The following KCNMA1 variants were observed in gnomAD, a reference collection of about 807,000 sequenced individuals.
KCNMA1 encodes potassium calcium-activated channel subfamily M alpha 1.
KCNMA1 carries 29 observed loss-of-function variants against 140.0 expected under a neutral mutation model. The ratio of observed to expected loss-of-function variants is 0.21; its 90% CI spans 0.15 to 0.28. KCNMA1 has a LOEUF of 0.28. KCNMA1 is among the 10% of genes least tolerant of loss of function. The pLI is 1.00. For missense variants in KCNMA1, 880 were observed against 1,602.2 expected (o/e 0.55, Z 7.70); for synonymous variants, 612 against 611.9 (o/e 1.00, Z 0.00).
At chr10:77,266,909 A>G (rs2063606786) in intron 2 of KCNMA1, among the ~76,000 whole-genome samples, 2 of 152,360 alleles carry the variant, frequency 1.3e-5, no homozygotes, top group Admixed American at 1.3e-4. Context: ...AAGCCTGAAT[A>G]TGCAGCAGAG....
chr10:77,604,645 C>T (rs1170862645), intron 1 of KCNMA1, among the ~76,000 whole-genome samples: 1 of 152,118 alleles, frequency 6.6e-6, no homozygotes, highest in Non-Finnish European at 1.5e-5. Flanking sequence ...TATGATTGCA[C>T]CACTGCACTC....
At chr10:77,367,518 CT>C (rs1373657091) in intron 2 of KCNMA1, among the ~76,000 whole-genome samples, 1 of 152,116 alleles carries the variant, frequency 6.6e-6, no homozygotes, top group Admixed American at 6.5e-5. Flanking sequence ...ATTGCTAAAC[CT>C]CTTGAATAAG....
intron 23 of KCNMA1, chr10:76,930,237 G>A (rs1298187553): frequency 2.0e-5 from 3 of 151,980 alleles, no homozygotes; most frequent in Non-Finnish European, 2.9e-5. Context: ...GCCAATAAAG[G>A]GTTAATATCC....
Position 77,039,578 on chromosome 10 carries a change from T to A in KCNMA1, c.1809A>T (p.Thr603=). The A allele has an allele frequency of 6.2e-7, 1 of 1,613,104 alleles. No individual in the cohort carries two copies. Among genetic ancestry groups the A allele is most frequent in the Non-Finnish European group, 8.5e-7 (1 of 1,179,072 alleles). Residue 603 remains threonine, a synonymous_variant, in exon 15 of 28, where the codon ACA becomes ACT. Coordinates refer to ENST00000286628, the MANE Select transcript of KCNMA1 (RefSeq NM_001161352.2). The part of the protein sequence containing the change: ...YLEGVSNEMY[T]EYLSSAFVGL... ...CCACGAAGGCACTGGAGAGATATTCTGTGTACATTTCATTTGAGACTCCTT... is the reference window on the plus strand; with the variant it reads ...CCACGAAGGCACTGGAGAGATATTCAGTGTACATTTCATTTGAGACTCCTT...
chr10:77,439,050 G>A (rs535574459), intron 1 of KCNMA1, among the ~76,000 whole-genome samples: 5 of 149,826 alleles, frequency 3.3e-5, no homozygotes, highest in African/African-American at 1.2e-4. Flanking sequence ...CAGCCTGGGC[G>A]ACAGAGCGAG....
At chr10:77,220,923 A>G (rs2049414025) in intron 3 of KCNMA1, among the ~76,000 whole-genome samples, 1 of 152,202 alleles carries the variant, frequency 6.6e-6, no homozygotes, top group Admixed American at 6.5e-5. Flanking sequence ...GGGGAACTCA[A>G]TAAAATTATC....
intron 23 of KCNMA1, among the ~76,000 whole-genome samples, chr10:76,920,024 A>G (rs377271594): frequency 0.025 from 2,121 of 83,326 alleles, 60 homozygotes; most frequent in African/African-American, 0.091. Flanking sequence ...GTGTGTGTAT[A>G]TATATATATA....
chr10:77,378,904 A>G (rs2095283041), intron 2 of KCNMA1, among the ~76,000 whole-genome samples: 1 of 152,184 alleles, frequency 6.6e-6, no homozygotes, highest in Admixed American at 6.5e-5. Context: ...ATTGTAAATG[A>G]CTGCTCTTCA....
intron 1 of KCNMA1, among the ~76,000 whole-genome samples, chr10:77,556,502 C>CAAAAAAAAAA (rs11446237): frequency 1.6e-4 from 11 of 68,902 alleles, no homozygotes; most frequent in Admixed American, 2.1e-4. Flanking sequence ...GGGACTATCT[C>CAAAAAAAAAA]AAAAAAAAAA....
At chr10:77,141,279 T>A (rs562852486) in intron 5 of KCNMA1, among the ~76,000 whole-genome samples, 16 of 152,192 alleles carry the variant, frequency 1.1e-4, no homozygotes, top group African/African-American at 2.4e-4. Context: ...AGCCCCCTCT[T>A]AGTTCTCTGT....
At chr10:77,028,755 G>T (rs2153531457) in intron 15 of KCNMA1, among the ~76,000 whole-genome samples, 1 of 152,220 alleles carries the variant, frequency 6.6e-6, no homozygotes, top group East Asian at 1.9e-4. Context: ...TTCCTTAAGA[G>T]TCCTGGACTT....
intron 18 of KCNMA1, among the ~76,000 whole-genome samples, chr10:77,002,647 A>C (rs1279646195): frequency 1.3e-5 from 2 of 152,184 alleles, no homozygotes. Flanking sequence ...CTGAGTGGTA[A>C]CCTATAAAAG....
At chr10:77,373,062 G>C (rs563561027) in intron 2 of KCNMA1, 1 of 152,314 alleles carries the variant, frequency 6.6e-6, no homozygotes, top group African/African-American at 2.4e-5. Context: ...TTCTGTTCAG[G>C]AGAAAAGATA....
At chr10:77,103,423 G>A (rs1377867582) in intron 9 of KCNMA1, among the ~76,000 whole-genome samples, 1 of 152,186 alleles carries the variant, frequency 6.6e-6, no homozygotes, top group East Asian at 1.9e-4. Flanking sequence ...TCACTGATAA[G>A]GAAGAAACCA....
intron 5 of KCNMA1, among the ~76,000 whole-genome samples, chr10:77,168,174 G>A (rs2098664641): frequency 1.3e-5 from 2 of 152,186 alleles, no homozygotes; most frequent in African/African-American, 4.8e-5. Context: ...AGATCACAAA[G>A]ATGTGAGTTC....
intron 5 of KCNMA1, 39 bp downstream of exon 5, chr10:77,183,370 TCAGCCATGACTC>T: frequency 7.9e-7 from 1 of 1,263,520 alleles, no homozygotes; most frequent in Non-Finnish European, 1.2e-6. Flanking sequence ...ATTCTGTCCT[TCAGCCATGACTC>T]AGGAACCAGG....
At chr10:77,050,363 A>T (rs1201725259) in intron 14 of KCNMA1, among the ~76,000 whole-genome samples, 2 of 152,116 alleles carry the variant, frequency 1.3e-5, no homozygotes, top group East Asian at 3.8e-4. Flanking sequence ...CCACATAGGA[A>T]TGGGGAGCTT....
intron 2 of KCNMA1, among the ~76,000 whole-genome samples, chr10:77,288,309 T>A (rs913380312): frequency 3.3e-5 from 5 of 152,230 alleles, no homozygotes; most frequent in African/African-American, 7.2e-5. Context: ...TGTGAAGAGA[T>A]TAAGGGTCCA....
intron 2 of KCNMA1, among the ~76,000 whole-genome samples, chr10:77,289,598 G>T (rs2072429318): frequency 6.6e-6 from 1 of 152,160 alleles, no homozygotes; most frequent in African/African-American, 2.4e-5. Context: ...GACCCATAAA[G>T]GATGTATATT....
Sources: allele counts gnomAD v4.1 joint callset (sites outside exome capture counted in the v4.1 genomes callset), GRCh38; gene constraint gnomAD v4.1.1; transcripts MANE v1.5; gene names NCBI Gene and HGNC (gene_info 2026-07-23, HGNC 2026-07-21).